UGT1A7: variants seen among roughly 807,000 people sequenced by gnomAD.
UGT1A7 encodes UDP glucuronosyltransferase family 1 member A7.
In UGT1A7, 33 loss-of-function variants were observed where a neutral mutation model predicts 45.6. The observed-to-expected ratio is 0.72, with a 90% CI of 0.55 to 0.97. The LOEUF is 0.97. Among genes scored for constraint, UGT1A7 ranks in the 50% least tolerant of loss-of-function variants. The pLI is 0.00. For synonymous variants in UGT1A7, 274 were observed against 250.6 expected (o/e 1.09, Z -0.88); for missense variants, 684 against 666.2 (o/e 1.03, Z -0.29).
At chr2:233,718,857 G>A (rs1210101221) in intron 1 of UGT1A7, 8 of 1,613,658 alleles carry the variant, frequency 5.0e-6, no homozygotes, top group Non-Finnish European at 6.8e-6. Flanking sequence ...GCCGCGGCTG[G>A]CCACAGGACT....
chr2:233,759,709 C>A (rs139134152), intron 1 of UGT1A7, among the ~76,000 whole-genome samples: 2 of 151,084 alleles, frequency 1.3e-5, no homozygotes, highest in East Asian at 3.9e-4. Flanking sequence ...GGCGCGTGCT[C>A]GTGTGGTGGG....
At chr2:233,724,144 C>T (rs2077176143) in intron 1 of UGT1A7, among the ~76,000 whole-genome samples, 1 of 124,228 alleles carries the variant, frequency 8.0e-6, no homozygotes, top group African/African-American at 3.6e-5. Flanking sequence ...GACGGGGCGG[C>T]TGGCCGGGTG....
chr2:233,747,635 GA>G (rs1268887921), intron 1 of UGT1A7: 1 of 1,581,650 alleles, frequency 6.3e-7, no homozygotes, highest in African/African-American at 1.4e-5. Flanking sequence ...TCAGGCACCT[GA>G]ATGCTACTTC....
At chr2:233,724,213 C>T (rs2077189704) in intron 1 of UGT1A7, among the ~76,000 whole-genome samples, 2 of 128,964 alleles carry the variant, frequency 1.6e-5, no homozygotes, top group African/African-American at 3.1e-5. Context: ...CTGAGGGGCT[C>T]CTCACTTCCC....
intron 1 of UGT1A7, chr2:233,754,939 A>G: frequency 7.5e-7 from 1 of 1,337,054 alleles, no homozygotes; most frequent in Non-Finnish European, 1.0e-6. Context: ...AGGTCAAAGG[A>G]GAATGGGTCC....
chr2:233,695,283 T>G (rs546580338), intron 1 of UGT1A7, among the ~76,000 whole-genome samples: 155 of 152,002 alleles, frequency 1.0e-3, no homozygotes, highest in African/African-American at 3.5e-3. Context: ...GTGCCACCAT[T>G]CCCAGCTAAT....
intron 1 of UGT1A7, among the ~76,000 whole-genome samples, chr2:233,688,780 T>C (rs1215493490): frequency 6.6e-6 from 1 of 152,142 alleles, no homozygotes; most frequent in Non-Finnish European, 1.5e-5. Flanking sequence ...GCCATTCTAA[T>C]GGAGAGGAAG....
chr2:233,754,247 A>G (rs1695429066), intron 1 of UGT1A7: 1 of 170,702 alleles, frequency 5.9e-6, no homozygotes, highest in Admixed American at 5.5e-5. Context: ...CACTTTCCCA[A>G]CGGAAAAAGG....
intron 1 of UGT1A7, chr2:233,754,734 T>C (rs1381377212): frequency 1.5e-6 from 1 of 652,198 alleles, no homozygotes; most frequent in Middle Eastern, 2.9e-4. Flanking sequence ...ATCACTACCG[T>C]AGGACATGCA....
At position 233,693,225 on chromosome 2, in the gene UGT1A7, C is replaced by A. The variant is rs750266528; in HGVS notation, c.855+10433C>A. 6 of 1,614,160 alleles carry A rather than the reference C, an allele frequency of 3.7e-6. No individual in the cohort carries two copies. In the South Asian group the frequency reaches 6.6e-5, roughly 18 times the overall value. ...CTTTTGAAAGAATCCAAATACTACA[C>A]AAGAAAAATCTATCCAGTGCCGTAT... is the stretch of plus-strand genomic sequence containing the variant. On this transcript the variant is annotated intron_variant, in intron 1 of 4. Coordinates refer to ENST00000373426, the MANE Select transcript of UGT1A7 (RefSeq NM_019077.3).
At chr2:233,739,139 T>G (rs539919985) in intron 1 of UGT1A7, 1 of 152,378 alleles carries the variant, frequency 6.6e-6, no homozygotes, top group African/African-American at 2.4e-5. Flanking sequence ...AATTTAGGTT[T>G]GGGAACCTCC....
intron 1 of UGT1A7, chr2:233,713,922 A>G (rs1251047267): frequency 1.2e-6 from 2 of 1,612,068 alleles, no homozygotes; most frequent in Non-Finnish European, 1.7e-6. Flanking sequence ...AAATGTATTT[A>G]CTTACAAGTG....
In UGT1A7 at chr2:233,758,028, C is replaced by A. The variant is rs116537239; in HGVS notation, c.856-9006C>A. 3.8e-3 allele frequency among the ~76,000 whole-genome samples: 585 copies of A among 152,248 alleles called. 2 individuals are homozygous for A. Among genetic ancestry groups the A allele is most frequent in the African/African-American group, 0.013 (559 of 41,526 alleles). On this transcript the variant is annotated intron_variant, in intron 1 of 4. Coordinates refer to ENST00000373426, the MANE Select transcript of UGT1A7 (RefSeq NM_019077.3). ...CATGAGTTTGTCTCTGTCTACCTGA[C>A]CCCTCCTTTCAGGCAAGGACCATTT...
chr2:233,755,447 T>C (rs1695920432), intron 1 of UGT1A7: 1 of 310,986 alleles, frequency 3.2e-6, no homozygotes, highest in Non-Finnish European at 6.3e-6. Flanking sequence ...GCAGTGCTCC[T>C]GGGACTGGCC....
At chr2:233,759,578 C>T (rs1477020386) in intron 1 of UGT1A7, among the ~76,000 whole-genome samples, 1 of 151,810 alleles carries the variant, frequency 6.6e-6, no homozygotes, top group East Asian at 1.9e-4. Context: ...ATTCTCTACC[C>T]CAGCACGCCC....
chr2:233,690,168 G>A (rs967401019), intron 1 of UGT1A7, among the ~76,000 whole-genome samples: 1 of 152,284 alleles, frequency 6.6e-6, no homozygotes, highest in Admixed American at 6.5e-5. Context: ...ATGTAGTTAT[G>A]TTTTTATAGC....
At chr2:233,712,980 G>T (rs1266934169) in intron 1 of UGT1A7, 4 of 1,613,154 alleles carry the variant, frequency 2.5e-6, no homozygotes, top group Non-Finnish European at 3.4e-6. Context: ...GCTGTCGGTG[G>T]CTTCTGCTGA....
Position 233,729,530 on chromosome 2 carries a change from A to G in UGT1A7, c.856-37504A>G, listed in dbSNP as rs372837189. The G allele has an allele frequency of 5.6e-6, 9 of 1,614,100 alleles. No individual in the cohort carries two copies. Among genetic ancestry groups the G allele is most frequent in the African/African-American group, 1.3e-5 (1 of 74,922 alleles). On this transcript the variant is annotated intron_variant, in intron 1 of 4. Transcript: ENST00000373426. ...TCTTGTGTGGAGCTACTACATAATGAGGCCCTGATCAGGCACCTGAATGCT... is the reference window on the plus strand; with the variant it reads ...TCTTGTGTGGAGCTACTACATAATGGGGCCCTGATCAGGCACCTGAATGCT...
rs932352286 is a variant in UGT1A7, at chr2:233,700,062, G to T, written c.855+17270G>T. Among the ~76,000 whole-genome samples the T allele has an allele frequency of 5.3e-5, 8 of 152,146 alleles. 1 individual carries two copies. Among genetic ancestry groups the T allele is most frequent in the Non-Finnish European group, 8.8e-5 (6 of 68,028 alleles). On this transcript the variant is annotated intron_variant, in intron 1 of 4. Coordinates refer to ENST00000373426, the MANE Select transcript of UGT1A7 (RefSeq NM_019077.3). ...AAATCAATTCCAAGTGAATCCAGTGGTGTCTACCCAGCAAGGCCCCCAGCC... is the reference window on the plus strand; with the variant it reads ...AAATCAATTCCAAGTGAATCCAGTGTTGTCTACCCAGCAAGGCCCCCAGCC...
Sources: gnomAD v4.1 joint callset for allele counts (sites outside exome capture counted in the v4.1 genomes callset) on GRCh38, gnomAD v4.1.1 for gene constraint, MANE v1.5 for transcripts, NCBI Gene and HGNC (gene_info 2026-07-23, HGNC 2026-07-21) for gene names.